The following DDX19B variants were observed in gnomAD, a reference collection of about 807,000 sequenced individuals.
The protein encoded by DDX19B is ATP-dependent RNA helicase DDX19B.
DDX19B carries 27 observed loss-of-function variants against 58.1 expected under a neutral mutation model. The ratio of observed to expected loss-of-function variants is 0.46; its 90% confidence interval spans 0.34 to 0.64. The LOEUF (loss-of-function observed/expected upper bound fraction) is 0.64. DDX19B is among the 30% of genes least tolerant of loss of function. The probability of loss-of-function intolerance (pLI) is 0.01; values close to 1 mark genes in which losing one functional copy is unlikely to be tolerated. For missense variants in DDX19B, 399 were observed against 596.5 expected (o/e 0.67, Z 3.45); for synonymous variants, 187 against 214.4 (o/e 0.87, Z 1.12).
chr16:70,307,534 TC>T (rs2152189668), intron 1 of DDX19B, among the ~76,000 whole-genome samples: 1 of 151,572 alleles, frequency 6.6e-6, no homozygotes, highest in East Asian at 1.9e-4. Flanking sequence ...AGCCAATTTT[TC>T]ATATTTCAGT....
In DDX19B at chr16:70,299,319, C is replaced by A; in HGVS notation, c.22C>A (p.Leu8Met). MATDSWA[L>M]AVDEQEAAAE... ...GACCATGGCCACTGACTCATGGGCC[C>A]TGGCGGTGGACGAGCAGGAAGCTGC... The change falls in exon 1 of 12, where the codon CTG becomes ATG. Residue 8 changes from leucine (L) to methionine (M), a missense_variant. Physicochemically the swap from Leu to Met is conservative, Grantham distance 15 (BLOSUM62 2). Around this residue, in one of 4 missense-constraint regions of DDX19B, gnomAD observed 132 missense variants for 159.4 expected, o/e 0.83. Coordinates refer to ENST00000288071, the MANE Select transcript of DDX19B (RefSeq NM_007242.7). 1.2e-6 allele frequency: 2 copies of A among 1,607,526 alleles called. No homozygotes were observed. Among genetic ancestry groups the A allele is most frequent in the South Asian group, 1.1e-5 (1 of 89,822 alleles).
chr16:70,321,025 C>T (rs1391931178), intron 5 of DDX19B, among the ~76,000 whole-genome samples: 7 of 147,400 alleles, frequency 4.7e-5, no homozygotes, highest in African/African-American at 1.5e-4. Context: ...TGCAATGGCG[C>T]GATCTCGGTT....
upstream of DDX19B, among the ~76,000 whole-genome samples, chr16:70,293,708 T>C (rs1330160748): frequency 1.4e-5 from 2 of 145,778 alleles, no homozygotes; most frequent in African/African-American, 5.1e-5. Context: ...GCTTCCTGGG[T>C]TCACGCCATT....
intron 2 of DDX19B, 121 bp downstream of exon 2, chr16:70,312,778 G>A (rs1962159617): frequency 4.3e-6 from 3 of 705,464 alleles, no homozygotes; most frequent in African/African-American, 1.8e-5. Context: ...GCAGATACTG[G>A]TACCATTTGA....
Position 70,329,564 on chromosome 16 carries a change from T to C in DDX19B, c.785+95T>C, listed in dbSNP as rs1311124634. 1.9e-6 allele frequency: 3 copies of C among 1,543,682 alleles called. No individual in the cohort carries two copies. The African/African-American group carries it at 4.1e-5, about 21-fold the overall frequency. On this transcript the variant is annotated intron_variant, in intron 8 of 11. Transcript: ENST00000288071. Reference sequence around the variant, plus strand: ...GCCTCCTCTGGCTTCTGCCTGGGTCTTGGCTCTCGTACTCTCAGCAGCATT... The same window carrying C: ...GCCTCCTCTGGCTTCTGCCTGGGTCCTGGCTCTCGTACTCTCAGCAGCATT...
intron 7 of DDX19B, among the ~76,000 whole-genome samples, chr16:70,328,241 G>T (rs1963285340): frequency 6.6e-6 from 1 of 151,930 alleles, no homozygotes; most frequent in South Asian, 2.1e-4. Flanking sequence ...TGCATACAGT[G>T]TCCTAATGCC....
intron 9 of DDX19B, among the ~76,000 whole-genome samples, chr16:70,331,086 T>C (rs746836104): frequency 2.0e-5 from 3 of 152,216 alleles, no homozygotes; most frequent in Admixed American, 6.5e-5. Context: ...ATGTTGTTTG[T>C]TTGTTTTTGA....
intron 10 of DDX19B, 132 bp from the exon 11 acceptor site, chr16:70,332,836 A>T (rs1963547590): frequency 8.5e-6 from 13 of 1,538,064 alleles, no homozygotes. Context: ...GGCTTCCTGC[A>T]CTCAATGTCA....
At chr16:70,305,800 G>A (rs1036742233) in intron 1 of DDX19B, among the ~76,000 whole-genome samples, 6 of 151,458 alleles carry the variant, frequency 4.0e-5, no homozygotes, top group South Asian at 2.1e-4. Flanking sequence ...TCACTCTGTC[G>A]CCCAGGCTGG....
rs1213096880 is a variant in DDX19B, at chr16:70,332,998, T to C, written c.1217T>C (p.Ile406Thr). Residue 406 changes from isoleucine to threonine, a missense_variant, in exon 11 of 12, where the codon ATC becomes ACC. Around this residue, in one of 4 missense-constraint regions of DDX19B, gnomAD observed 198 missense variants for 345.9 expected, o/e 0.57. Coordinates refer to ENST00000288071, the MANE Select transcript of DDX19B (RefSeq NM_007242.7). The stretch of plus-strand genomic sequence containing the variant: ...GATGTTGAACAAGTGTCTGTCGTCA[T>C]CAACTTTGATCTTCCCGTGGACAAG... Reference protein sequence around the residue: ...GIDVEQVSVVINFDLPVDKDG... With the variant: ...GIDVEQVSVVTNFDLPVDKDG... 3.1e-6 allele frequency: 5 copies of C among 1,613,414 alleles called. No individual in the cohort carries two copies. Among genetic ancestry groups the C allele is most frequent in the Non-Finnish European group, 4.2e-6 (5 of 1,179,788 alleles).
chr16:70,316,858 G>A (rs1037811937), intron 4 of DDX19B, among the ~76,000 whole-genome samples: 5 of 151,996 alleles, frequency 3.3e-5, no homozygotes, highest in African/African-American at 9.7e-5. Context: ...ACCACTTGAG[G>A]TCAGGAGTTC....
chr16:70,314,854 T>C (rs778243911), intron 2 of DDX19B, 48 bp from the exon 3 acceptor site: 9 of 1,596,172 alleles, frequency 5.6e-6, no homozygotes, highest in Non-Finnish European at 6.9e-6. Context: ...TCTCAACTGT[T>C]GGGTATGGGA....
At chr16:70,318,756 A>G (rs138697129) in intron 5 of DDX19B, among the ~76,000 whole-genome samples, 68 of 147,180 alleles carry the variant, frequency 4.6e-4, no homozygotes, top group Middle Eastern at 7.7e-3. Flanking sequence ...AGATCATGCC[A>G]TTGCACTCCA....
rs1963041807 is a variant in DDX19B at position 70,324,572 on chromosome 16, G to T, written c.390-13G>T. ...TGAGATTTAAGCTCCTAACTAGTTT[G>T]TTTCTTGCGCAGCCCACAGAACTTA... On this transcript the variant is annotated splice_polypyrimidine_tract_variant and intron_variant, in intron 5 of 11. Coordinates refer to ENST00000288071, the MANE Select transcript of DDX19B (RefSeq NM_007242.7). 1 of 1,609,192 alleles carries T rather than the reference G, an allele frequency of 6.2e-7. No homozygotes were observed. The highest frequency in any genetic ancestry group is 8.5e-7 in the Non-Finnish European group (1 of 1,178,688).
At chr16:70,315,278 T>C (rs1425026087) in intron 3 of DDX19B, among the ~76,000 whole-genome samples, 5 of 150,690 alleles carry the variant, frequency 3.3e-5, no homozygotes, top group Admixed American at 1.3e-4. Flanking sequence ...TCCCAGCTAC[T>C]TGGGATGCTG....
In DDX19B at chr16:70,333,094, T is replaced by G; in HGVS notation, c.1313T>G (p.Leu438Arg). The G allele has an allele frequency of 6.3e-7, 1 of 1,587,716 alleles. No homozygotes were observed. The highest frequency in any genetic ancestry group is 8.6e-7 in the Non-Finnish European group (1 of 1,164,244). Reference protein sequence around the residue: ...GRTGRFGKRGLAVNMVDSKHS... With the variant: ...GRTGRFGKRGRAVNMVDSKHS... ...ACGGGCCGCTTTGGCAAGAGGGGCC[T>G]GGCAGTGAACATGGTGGACAGCAAG... Residue 438 changes from leucine (L) to arginine (R), a missense_variant, in exon 11 of 12, where the codon CTG becomes CGG. Physicochemically the swap from Leu to Arg is moderately radical, Grantham distance 102. Coordinates refer to ENST00000288071, the MANE Select transcript of DDX19B (RefSeq NM_007242.7).
At chr16:70,300,606 T>G (rs1961443431) in intron 1 of DDX19B, among the ~76,000 whole-genome samples, 1 of 152,022 alleles carries the variant, frequency 6.6e-6, no homozygotes, top group East Asian at 1.9e-4. Flanking sequence ...TCTTGCCAAC[T>G]ACAACCTCCC....
At position 70,329,978 on chromosome 16, in the gene DDX19B, T is replaced by C; in HGVS notation, c.933T>C (p.Tyr311=). Residue 311 remains tyrosine (Y), a synonymous_variant, in exon 9 of 12, where the codon TAT becomes TAC. Transcript: ENST00000288071. ...EETLDTIKQY[Y]VLCSSRDEKF... ...CCCTGGACACCATCAAGCAGTACTA[T>C]GTCCTGTGCAGCAGCAGAGACGAGA... is the stretch of plus-strand genomic sequence containing the variant. 6.2e-7 allele frequency: 1 copy of C among 1,614,224 alleles called. No individual in the cohort carries two copies. Among genetic ancestry groups the C allele is most frequent in the Non-Finnish European group, 8.5e-7 (1 of 1,180,042 alleles).
At chr16:70,330,142 A>G (rs1011530783) in intron 9 of DDX19B, 74 bp downstream of exon 9, 15 of 1,561,880 alleles carry the variant, frequency 9.6e-6, no homozygotes, top group Non-Finnish European at 1.3e-5. Context: ...GGAGGACTGG[A>G]TGCCCCTGGG....
Sources: allele counts gnomAD v4.1 joint callset (sites outside exome capture counted in the v4.1 genomes callset), GRCh38; gene constraint gnomAD v4.1.1; regional missense constraint gnomAD v4.1.1; transcripts MANE v1.5; gene names NCBI Gene and HGNC (gene_info 2026-07-23, HGNC 2026-07-21).